Variants in CFAP70 observed in about 807,000 individuals in gnomAD.
CFAP70 encodes the protein cilia- and flagella-associated protein 70.
Under a neutral mutation model 137.6 loss-of-function variants are expected in CFAP70, and 81 were observed. The observed-to-expected ratio is 0.59, with a 90% CI of 0.49 to 0.71. The LOEUF is 0.71. Ranked by LOEUF, CFAP70 falls within the 30% of genes least tolerant of loss-of-function variation. The pLI is 0.00. For synonymous variants in CFAP70, 382 were observed against 423.6 expected (o/e 0.90, Z 1.20); for missense variants, 976 against 1,226.7 (o/e 0.80, Z 3.05).
chr10:73,261,099 C>T (rs1304037480), intron 25 of CFAP70, among the ~76,000 whole-genome samples: 1 of 151,400 alleles, frequency 6.6e-6, no homozygotes, highest in East Asian at 1.9e-4. Flanking sequence ...TTATCCACAT[C>T]TTTGTTAATA....
intron 13 of CFAP70, among the ~76,000 whole-genome samples, chr10:73,299,315 C>T (rs2048764654): frequency 6.6e-6 from 1 of 152,158 alleles, no homozygotes; most frequent in African/African-American, 2.4e-5. Flanking sequence ...TCAAGCAACC[C>T]TCCTGCCTCA....
Position 73,342,155 on chromosome 10 carries a change from G to C in CFAP70, c.400-574C>G, listed in dbSNP as rs143471259. On this transcript the variant is annotated intron_variant, in intron 5 of 26. Transcript: ENST00000310715. ...AGAAAATTGGTAAAATATATAAGTA[G>C]GCAATTTATAGAAGGGGAAATTAGA... Among the ~76,000 whole-genome samples the C allele has an allele frequency of 1.9e-3, 288 of 152,216 alleles. 2 individuals carry two copies. Among genetic ancestry groups the C allele is most frequent in the African/African-American group, 6.5e-3 (271 of 41,512 alleles).
chr10:73,307,837 A>C (rs2049517950), intron 12 of CFAP70, among the ~76,000 whole-genome samples: 2 of 151,974 alleles, frequency 1.3e-5, no homozygotes, highest in African/African-American at 4.8e-5. Context: ...ACCAGACAGG[A>C]AATTAGTAAA....
intron 12 of CFAP70, among the ~76,000 whole-genome samples, chr10:73,308,530 A>G (rs533593547): frequency 9.4e-4 from 143 of 151,736 alleles, no homozygotes; most frequent in Middle Eastern, 3.4e-3. Flanking sequence ...CAGGAGGCTG[A>G]GGCAGGAGAA....
intron 25 of CFAP70, among the ~76,000 whole-genome samples, chr10:73,266,097 C>T (rs1240589243): frequency 6.6e-6 from 1 of 152,132 alleles, no homozygotes; most frequent in Non-Finnish European, 1.5e-5. Flanking sequence ...TTTCCCCACA[C>T]AGGTCTTGAA....
chr10:73,342,886 C>T (rs1035928202), intron 5 of CFAP70, among the ~76,000 whole-genome samples: 1 of 151,772 alleles, frequency 6.6e-6, no homozygotes, highest in Non-Finnish European at 1.5e-5. Flanking sequence ...ACCATCCTGG[C>T]CAATATGGTG....
At chr10:73,348,494 T>C (rs758631672) in exon 4 of CFAP70, 4 of 1,520,138 alleles carry the variant, frequency 2.6e-6, no homozygotes, top group South Asian at 1.4e-5. Context: ...CTGTTTCTTT[T>C]CCTTTGGTAA....
rs372749538 is a variant in CFAP70 at position 73,312,652 on chromosome 10, C to T, written c.913-9G>A. 34 of 1,514,674 alleles carry T rather than the reference C, an allele frequency of 2.2e-5. No homozygotes were observed. The Middle Eastern group carries it at 1.8e-3, about 81-fold the overall frequency. The allele number at this position is 1,514,674 out of a possible 1,614,324, so 93.8% of individuals were successfully genotyped here. On this transcript the variant is annotated splice_polypyrimidine_tract_variant and intron_variant, in intron 9 of 26. Coordinates refer to ENST00000310715, the Ensembl canonical transcript of CFAP70. ...CTCAATAAACATTTGGTCTGAAAAA[C>T]AAAAAAACAAACAAAAAAAAGCAAT...
chr10:73,334,536 G>A (rs1340474308), intron 7 of CFAP70, among the ~76,000 whole-genome samples: 1 of 151,916 alleles, frequency 6.6e-6, no homozygotes, highest in African/African-American at 2.4e-5. Context: ...GACGGAGCCT[G>A]GATACCTAAT....
chr10:73,313,626 T>C (rs1223602414), intron 9 of CFAP70, among the ~76,000 whole-genome samples: 1 of 151,702 alleles, frequency 6.6e-6, no homozygotes, highest in East Asian at 1.9e-4. Context: ...GCGGATCATT[T>C]GAGACCAGAA....
chr10:73,299,459 A>G, intron 13 of CFAP70, 146 bp downstream of exon 14: 1 of 665,404 alleles, frequency 1.5e-6, no homozygotes, highest in South Asian at 1.9e-5. Context: ...GCCATTGATC[A>G]CAAATGGAAC....
chr10:73,269,836 CTT>C (rs2046094162), intron 24 of CFAP70, 121 bp from the exon 26 acceptor site: 1 of 575,462 alleles, frequency 1.7e-6, no homozygotes, highest in South Asian at 2.3e-5. Flanking sequence ...CATCAGAACT[CTT>C]TTCTTCAAAG....
rs565558196 is a variant in CFAP70, at chr10:73,348,011, C to T, written c.349+412G>A. The stretch of plus-strand genomic sequence containing the variant: ...TCAAAGTAGGACTCTGCCTTATTAT[C>T]TTTGTTTCCCAGAATCTAACACTAA... On this transcript the variant is annotated intron_variant, in intron 4 of 26. Transcript: ENST00000310715. 1.7e-4 allele frequency: 119 copies of T among 702,012 alleles called. 1 individual carries two copies. Among genetic ancestry groups the T allele is most frequent in the Middle Eastern group, 3.8e-4 (1 of 2,626 alleles). The allele number at this position is 702,012 out of a possible 1,614,324, so 43.5% of individuals were successfully genotyped here. A position where few individuals can be genotyped will look rare whatever the true frequency, so the allele number is the denominator to read the frequency against.
At chr10:73,341,547 A>C in exon 6 of CFAP70, 1 of 1,614,082 alleles carries the variant, frequency 6.2e-7, no homozygotes, top group Non-Finnish European at 8.5e-7. Flanking sequence ...TCCAAGCTTC[A>C]GAGTTCCATT....
chr10:73,307,277 G>A (rs528428242), intron 12 of CFAP70, among the ~76,000 whole-genome samples: 1 of 152,052 alleles, frequency 6.6e-6, no homozygotes, highest in Non-Finnish European at 1.5e-5. Context: ...AATATAAAAA[G>A]GCAGCAATAA....
At chr10:73,291,149 G>C (rs980920607) in intron 19 of CFAP70, 77 bp downstream of exon 20, 3 of 1,321,280 alleles carry the variant, frequency 2.3e-6, no homozygotes, top group Non-Finnish European at 2.2e-6. Flanking sequence ...CAGGTTGCTA[G>C]GACTACAGGT....
intron 12 of CFAP70, among the ~76,000 whole-genome samples, chr10:73,302,547 CCT>C (rs1333739954): frequency 6.6e-6 from 1 of 152,078 alleles, no homozygotes; most frequent in East Asian, 1.9e-4. Context: ...ACCAAATTGC[CCT>C]CCACTGGAAT....
At chr10:73,351,023 ATATGTG>A (rs1395786980) in intron 3 of CFAP70, among the ~76,000 whole-genome samples, 4 of 142,214 alleles carry the variant, frequency 2.8e-5, no homozygotes, top group Non-Finnish European at 1.5e-5. Context: ...GTGTGTATAT[ATATGTG>A]TATATGTGTG....
At chr10:73,299,354 T>C (rs10824000) in intron 13 of CFAP70, among the ~76,000 whole-genome samples, 16,035 of 152,128 alleles carry the variant, frequency 0.11, 1,225 homozygotes, top group East Asian at 0.3. Context: ...ACTACAGGTG[T>C]GTGCCACCAC....
Sources: gnomAD v4.1 joint callset for allele counts (sites outside exome capture counted in the v4.1 genomes callset) on GRCh38, gnomAD v4.1.1 for gene constraint, MANE v1.5 for transcripts, NCBI Gene and HGNC (gene_info 2026-07-23, HGNC 2026-07-21) for gene names.